Variants in FOCAD observed in about 807,000 individuals in gnomAD.
The protein encoded by FOCAD is KIAA1797.
Under a neutral mutation model 225.6 loss-of-function variants are expected in FOCAD, and 198 were observed. The ratio of observed to expected loss-of-function variants is 0.88; its 90% confidence interval spans 0.78 to 0.99. The LOEUF is 0.99. Among genes scored for constraint, FOCAD ranks in the 50% least tolerant of loss-of-function variants. The probability of loss-of-function intolerance (pLI) is 0.00; values close to 1 mark genes in which losing one functional copy is unlikely to be tolerated. For synonymous variants in FOCAD, 897 were observed against 755.0 expected (o/e 1.19, Z -3.08); for missense variants, 2,713 against 2,123.6 (o/e 1.28, Z -5.46).
chr9:20,784,088 AGAATGTG>A (rs1819668628), intron 10 of FOCAD, among the ~76,000 whole-genome samples: 1 of 152,152 alleles, frequency 6.6e-6, no homozygotes, highest in Admixed American at 6.5e-5. Flanking sequence ...CTGGTAGGAG[AGAATGTG>A]GAGAAGGCCT....
intron 10 of FOCAD, among the ~76,000 whole-genome samples, chr9:20,782,946 C>T (rs754171175): frequency 2.0e-4 from 30 of 152,280 alleles, no homozygotes; most frequent in Non-Finnish European, 4.0e-4. Context: ...AACAGGTAAT[C>T]GATTTGAATT....
In FOCAD at chr9:20,990,126, T is replaced by G. The variant is rs773110147; in HGVS notation, c.5008T>G (p.Leu1670Val). 2 of 1,614,146 alleles carry G rather than the reference T, an allele frequency of 1.2e-6. No individual in the cohort carries two copies. The highest frequency in any genetic ancestry group is 2.2e-5 in the South Asian group (2 of 91,082). Reference protein sequence around the residue: ...SFHNTALDKALDFFLLIFATA... With the variant: ...SFHNTALDKAVDFFLLIFATA... ...GTCATTTCTATTTTCATCGTAGGCT[T>G]TGGACTTCTTCTTGCTGATATTTGC... Residue 1670 changes from leucine (L) to valine (V), a missense_variant, in exon 42 of 44, where the codon TTG (leucine) becomes GTG (valine). Physicochemically the swap from Leu to Val is conservative, Grantham distance 32. Coordinates refer to ENST00000338382, the MANE Select transcript of FOCAD (RefSeq NM_001375567.1).
chr9:20,833,789 C>T (rs1211374045), intron 15 of FOCAD, among the ~76,000 whole-genome samples: 1 of 152,050 alleles, frequency 6.6e-6, no homozygotes, highest in Non-Finnish European at 1.5e-5. Context: ...AAAATGTCAG[C>T]ATCACTGGTC....
chr9:20,907,356 T>C (rs1379663598), intron 22 of FOCAD, 114 bp downstream of exon 22: 7 of 811,444 alleles, frequency 8.6e-6, no homozygotes, highest in Non-Finnish European at 1.0e-5. Flanking sequence ...ACCAAAAATG[T>C]AATGGTTATT....
intron 8 of FOCAD, among the ~76,000 whole-genome samples, chr9:20,772,922 G>A (rs1298865632): frequency 6.6e-6 from 1 of 150,632 alleles, no homozygotes; most frequent in Non-Finnish European, 1.5e-5. Context: ...AATATATCAG[G>A]TATAATTATA....
chr9:20,728,317 A>G (rs1826385366), intron 4 of FOCAD, among the ~76,000 whole-genome samples: 1 of 152,204 alleles, frequency 6.6e-6, no homozygotes, highest in East Asian at 1.9e-4. Context: ...ACCCAAGTCT[A>G]AACACAAAAT....
chr9:20,733,881 G>A (rs535806488), intron 4 of FOCAD, among the ~76,000 whole-genome samples: 4 of 152,234 alleles, frequency 2.6e-5, no homozygotes, highest in African/African-American at 9.6e-5. Flanking sequence ...CACACCTATA[G>A]CTCCAGATAC....
At position 20,976,540 on chromosome 9, in the gene FOCAD, T is replaced by C. The variant is rs1374210014; in HGVS notation, c.4253T>C (p.Leu1418Pro). Reference sequence around the variant, plus strand: ...GCACTTCTCTCTCCACTTATGAGGCTAAATTTTGGTAAATATCATGTGTTT... The same window carrying C: ...GCACTTCTCTCTCCACTTATGAGGCCAAATTTTGGTAAATATCATGTGTTT... ...WAALLSPLMR[L>P]NFGEEIQQLC... The change falls in exon 36 of 44, where the codon CTA becomes CCA. Residue 1418 changes from leucine to proline, a missense_variant. Transcript: ENST00000338382. The C allele has an allele frequency of 6.8e-6, 11 of 1,612,678 alleles. No individual in the cohort carries two copies. The highest frequency in any genetic ancestry group is 9.3e-6 in the Non-Finnish European group (11 of 1,179,018).
intron 1 of FOCAD, among the ~76,000 whole-genome samples, chr9:20,686,560 G>C (rs576527738): frequency 2.0e-5 from 3 of 152,304 alleles, no homozygotes; most frequent in African/African-American, 4.8e-5. Flanking sequence ...GGAAATAATA[G>C]TTTAAGGATT....
At chr9:20,842,850 T>G (rs929221127) in intron 15 of FOCAD, among the ~76,000 whole-genome samples, 5 of 151,954 alleles carry the variant, frequency 3.3e-5, no homozygotes, top group Admixed American at 6.6e-5. Flanking sequence ...GTAATATATT[T>G]TAAATTTTTA....
chr9:20,777,985 G>T (rs1286040982), intron 8 of FOCAD, among the ~76,000 whole-genome samples: 1 of 150,464 alleles, frequency 6.6e-6, no homozygotes, highest in African/African-American at 2.4e-5. Context: ...AGCTACTCGG[G>T]AGGCTGAGGC....
intron 27 of FOCAD, among the ~76,000 whole-genome samples, chr9:20,931,716 G>A (rs1835487521): frequency 1.3e-5 from 2 of 152,182 alleles, no homozygotes; most frequent in East Asian, 3.9e-4. Flanking sequence ...GGAGGCCAAG[G>A]CGGGCAGATC....
rs770588094 is a variant in FOCAD at position 20,976,493 on chromosome 9, A to G, written c.4206A>G (p.Gln1402=). The part of the protein sequence containing the change: ...KPIATVGESY[Q]YPPVNWAALL... ...TAGCAACTGTTGGAGAAAGCTACCA[A>G]TATCCTCCTGTGAACTGGGCTGCAC... Residue 1402 remains glutamine, a synonymous_variant, in exon 36 of 44, where the codon CAA becomes CAG. Transcript: ENST00000338382. 3 of 1,613,364 alleles carry G rather than the reference A, an allele frequency of 1.9e-6. No individual in the cohort carries two copies. The highest frequency in any genetic ancestry group is 1.1e-5 in the South Asian group (1 of 91,072).
At chr9:20,703,568 G>C (rs1824147539) in intron 1 of FOCAD, among the ~76,000 whole-genome samples, 1 of 151,654 alleles carries the variant, frequency 6.6e-6, no homozygotes, top group Admixed American at 6.6e-5. Context: ...TTCTAACCTT[G>C]GGGCTGGTGT....
chr9:20,963,731 T>C (rs1838988353), intron 35 of FOCAD, among the ~76,000 whole-genome samples: 1 of 152,238 alleles, frequency 6.6e-6, no homozygotes, highest in African/African-American at 2.4e-5. Context: ...GTGTTTTCTT[T>C]TTTGTGAAAT....
chr9:20,806,639 A>G (rs991137124), intron 11 of FOCAD, among the ~76,000 whole-genome samples: 1 of 152,222 alleles, frequency 6.6e-6, no homozygotes, highest in Non-Finnish European at 1.5e-5. Flanking sequence ...GTACATGAAA[A>G]AACATTGTAA....
At chr9:20,825,146 C>CGCGT (rs1554696203) in intron 15 of FOCAD, among the ~76,000 whole-genome samples, 3 of 139,078 alleles carry the variant, frequency 2.2e-5, no homozygotes, top group East Asian at 2.1e-4. Context: ...TCAAGCTTTG[C>CGCGT]GTGTGTGTGT....
intron 2 of FOCAD, chr9:20,716,096 C>T (rs778698713): frequency 4.3e-6 from 2 of 465,510 alleles, no homozygotes; most frequent in Non-Finnish European, 9.4e-6. Context: ...GAGATGTCTG[C>T]TGTGGGAATT....
chr9:20,702,565 A>G (rs1448735813), intron 1 of FOCAD, among the ~76,000 whole-genome samples: 1 of 152,328 alleles, frequency 6.6e-6, no homozygotes, highest in Middle Eastern at 3.4e-3. Context: ...TTGGTTTTTC[A>G]TATGAAGATA....
Sources: allele counts gnomAD v4.1 joint callset (sites outside exome capture counted in the v4.1 genomes callset), GRCh38; gene constraint gnomAD v4.1.1; transcripts MANE v1.5; gene names NCBI Gene and HGNC (gene_info 2026-07-23, HGNC 2026-07-21).